The following ANTXR1 variants were observed in gnomAD, a reference collection of about 807,000 sequenced individuals.
ANTXR1 encodes ANTXR cell adhesion molecule 1.
A neutral mutation model predicts 78.1 loss-of-function variants in ANTXR1; 19 were observed. The ratio of observed to expected loss-of-function variants is 0.24; its 90% CI spans 0.17 to 0.36. ANTXR1 has a LOEUF of 0.36. ANTXR1 is among the 10% of genes least tolerant of loss of function. ANTXR1 has a pLI of 1.00. For synonymous variants in ANTXR1, 273 were observed against 260.5 expected, an observed-to-expected ratio of 1.05 and a Z score of -0.46; for missense variants, 518 against 718.6, an observed-to-expected ratio of 0.72 and a Z score of 3.19.
intron 17 of ANTXR1, among the ~76,000 whole-genome samples, chr2:69,235,774 CA>C (rs199596838): frequency 0.2 from 25,123 of 124,468 alleles, 2,077 homozygotes; most frequent in Middle Eastern, 0.27. Flanking sequence ...AATCACAAAC[CA>C]AAAAAAAAAA....
At chr2:69,114,632 ACT>A (rs1485741933) in intron 10 of ANTXR1, among the ~76,000 whole-genome samples, 1 of 151,926 alleles carries the variant, frequency 6.6e-6, no homozygotes, top group Non-Finnish European at 1.5e-5. Context: ...AGGTGTTCTG[ACT>A]CTACAGCACC....
chr2:69,233,960 A>G (rs1675688317), intron 17 of ANTXR1, among the ~76,000 whole-genome samples: 1 of 152,128 alleles, frequency 6.6e-6, no homozygotes, highest in Non-Finnish European at 1.5e-5. Context: ...TCTAGGAATA[A>G]ATGTTTAAAA....
At chr2:69,027,519 CT>C (rs1317313460) in intron 1 of ANTXR1, among the ~76,000 whole-genome samples, 4 of 152,142 alleles carry the variant, frequency 2.6e-5, no homozygotes, top group Non-Finnish European at 2.9e-5. Flanking sequence ...CCACTCTCCC[CT>C]AACTGATGGA....
chr2:69,198,250 C>T (rs1674706094), intron 17 of ANTXR1, among the ~76,000 whole-genome samples: 1 of 152,168 alleles, frequency 6.6e-6, no homozygotes, highest in Non-Finnish European at 1.5e-5. Context: ...CCCTATGAAA[C>T]GCCCATCTCC....
At chr2:69,075,243 A>C (rs1166362622) in intron 6 of ANTXR1, among the ~76,000 whole-genome samples, 1 of 152,198 alleles carries the variant, frequency 6.6e-6, no homozygotes, top group East Asian at 1.9e-4. Flanking sequence ...CGCCCCCATT[A>C]CAAAGAAACG....
intron 3 of ANTXR1, among the ~76,000 whole-genome samples, chr2:69,049,880 G>A (rs879738010): frequency 4.6e-5 from 7 of 152,048 alleles, no homozygotes; most frequent in East Asian, 1.9e-4. Flanking sequence ...CTTCAAATGC[G>A]AGATTATTAA....
intron 17 of ANTXR1, among the ~76,000 whole-genome samples, chr2:69,223,010 G>A (rs1287297822): frequency 6.6e-6 from 1 of 152,198 alleles, no homozygotes; most frequent in Admixed American, 6.5e-5. Flanking sequence ...TTCAGAAAGA[G>A]GCTCTTTACT....
chr2:69,145,484 C>A, intron 12 of ANTXR1: 1 of 1,510,146 alleles, frequency 6.6e-7, no homozygotes, highest in Non-Finnish European at 8.9e-7. Flanking sequence ...GAGTGGAGGG[C>A]AGAGACAGGC....
chr2:69,176,976 T>C (rs1334334283), intron 14 of ANTXR1, among the ~76,000 whole-genome samples: 3 of 152,222 alleles, frequency 2.0e-5, no homozygotes, highest in Non-Finnish European at 4.4e-5. Context: ...GGCCACCCTT[T>C]GCACAACTCC....
rs1671214047 is a variant in ANTXR1 at position 69,090,987 on chromosome 2, T to TG, written c.703+68_703+69insG. 3.3e-6 allele frequency: 5 copies of TG among 1,506,628 alleles called. No homozygotes were observed. The East Asian group carries it at 1.1e-4, about 34-fold the overall frequency. The allele number at this position is 1,506,628 out of a possible 1,614,324, so 93.3% of individuals were successfully genotyped here. A position where few individuals can be genotyped will look rare whatever the true frequency, so the allele number is the denominator to read the frequency against. ...ATATTTTGAGTTCAAGTCACGTATG[T>TG]ACTTCATTGTTGGTGGGGTGGGAAA... is the stretch of plus-strand genomic sequence containing the variant. On this transcript the variant is annotated intron_variant, in intron 9 of 17. Coordinates refer to ENST00000303714, the MANE Select transcript of ANTXR1 (RefSeq NM_032208.3).
At chr2:69,066,369 T>A (rs748461857) in intron 3 of ANTXR1, among the ~76,000 whole-genome samples, 4 of 152,154 alleles carry the variant, frequency 2.6e-5, no homozygotes, top group Non-Finnish European at 5.9e-5. Context: ...TGATCTTGGC[T>A]CACTCAACCT....
At chr2:69,135,218 T>C (rs953692438) in intron 12 of ANTXR1, 1 of 187,678 alleles carries the variant, frequency 5.3e-6, no homozygotes, top group African/African-American at 2.3e-5. Flanking sequence ...GTTTGAGCAA[T>C]TGACTTTCAA....
At chr2:69,135,789 T>C (rs1389352717) in intron 12 of ANTXR1, among the ~76,000 whole-genome samples, 1 of 152,122 alleles carries the variant, frequency 6.6e-6, no homozygotes, top group Non-Finnish European at 1.5e-5. Context: ...CACAGGAGGT[T>C]TCTATACAAT....
chr2:69,186,281 A>G (rs1356632468), intron 16 of ANTXR1, among the ~76,000 whole-genome samples: 1 of 152,238 alleles, frequency 6.6e-6, no homozygotes, highest in Non-Finnish European at 1.5e-5. Context: ...AAGAAATTCA[A>G]AAGTAATCAT....
chr2:69,182,878 T>C, intron 16 of ANTXR1: 1 of 608,576 alleles, frequency 1.6e-6, no homozygotes, highest in Non-Finnish European at 2.9e-6. Context: ...ATCACCGTGG[T>C]GCTCACTTCT....
rs908704092 is a variant in ANTXR1 at position 69,013,297 on chromosome 2, C to T, written c.-203C>T. The T allele has an allele frequency of 2.7e-6, 2 of 729,536 alleles. No individual in the cohort carries two copies. Among genetic ancestry groups the T allele is most frequent in the Admixed American group, 5.0e-5 (2 of 39,922 alleles). The allele number at this position is 729,536 out of a possible 1,614,324, so 45.2% of individuals were successfully genotyped here. On this transcript the variant is annotated 5_prime_UTR_variant, in exon 1 of 18. Transcript: ENST00000303714. The surrounding 1 kb of genome is among the most constrained non-coding windows in gnomAD (Gnocchi z 5.0). ...GGACAGGATTGGGATCCTTGAAACC[C>T]GAAACCCAGAAACAGCATCGGAGCG...
At chr2:69,077,268 C>G (rs867008907) in intron 7 of ANTXR1, 140 bp from the exon 8 acceptor site, 3 of 839,586 alleles carry the variant, frequency 3.6e-6, no homozygotes, top group Admixed American at 3.9e-5. Context: ...TTCAGGGCAG[C>G]CCCTGAGCCC....
At chr2:69,115,797 C>T (rs1672123040) in intron 10 of ANTXR1, among the ~76,000 whole-genome samples, 1 of 152,182 alleles carries the variant, frequency 6.6e-6, no homozygotes, top group South Asian at 2.1e-4. Context: ...CCAAGGAAAC[C>T]CTGTAACAAT....
intron 16 of ANTXR1, among the ~76,000 whole-genome samples, chr2:69,189,291 T>G (rs1028732730): frequency 3.9e-5 from 6 of 152,322 alleles, no homozygotes; most frequent in Non-Finnish European, 7.3e-5. Flanking sequence ...GCCCTGCAAG[T>G]CGGGCAGCGC....
Sources: gnomAD v4.1 joint callset for allele counts (sites outside exome capture counted in the v4.1 genomes callset) on GRCh38, gnomAD v4.1.1 for gene constraint, Gnocchi (gnomAD v3.1) non-coding constraint, MANE v1.5 for transcripts, NCBI Gene and HGNC (gene_info 2026-07-23, HGNC 2026-07-21) for gene names.